The following PSG4 variants were observed in gnomAD, a reference collection of about 807,000 sequenced individuals.
The protein encoded by PSG4 is pregnancy-specific beta-1-glycoprotein 4.
In PSG4, 61 loss-of-function variants were observed where a neutral mutation model predicts 44.3. The observed-to-expected ratio is 1.38, with a 90% CI of 1.12 to 1.70. The LOEUF (loss-of-function observed/expected upper bound fraction) is 1.70, where lower values mean the gene tolerates loss of function less well. PSG4 is among the 40% of genes most tolerant of loss of function. The probability of loss-of-function intolerance (pLI) is 0.00; values close to 1 mark genes in which losing one functional copy is unlikely to be tolerated. For missense variants in PSG4, 677 were observed against 511.7 expected (o/e 1.32, Z -3.12); for synonymous variants, 248 against 191.3 (o/e 1.30, Z -2.45).
At position 43,195,067 on chromosome 19, in the gene PSG4, C is replaced by T. The variant is rs182372417; in HGVS notation, c.916G>A (p.Gly306Arg). The T allele has an allele frequency of 5.7e-4, 914 of 1,611,618 alleles. 28 individuals are homozygous for T. The highest frequency in any genetic ancestry group is 7.4e-4 in the Admixed American group (44 of 59,850). Residue 306 changes from glycine to arginine, a missense_variant, in exon 4 of 6, where the codon GGA becomes AGA. By Grantham distance (125) the Gly-to-Arg change is moderately radical (BLOSUM62 -2). Coordinates refer to ENST00000405312, the MANE Select transcript of PSG4 (RefSeq NM_002780.5). ...ILPNVTRNET[G>R]PYQCEIRDRY... is the part of the protein sequence containing the mutation. ...TCCCGTATTTCACATTGATAAGGTCCTGTTTCATTTCTCGTGACATTGGGT... is the reference window on the plus strand; with the variant it reads ...TCCCGTATTTCACATTGATAAGGTCTTGTTTCATTTCTCGTGACATTGGGT...
At position 43,195,272 on chromosome 19, in the gene PSG4, T is replaced by C. The variant is rs779386191; in HGVS notation, c.711A>G (p.Pro237=). The C allele has an allele frequency of 4.8e-5, 77 of 1,610,090 alleles. 2 individuals carry two copies. The highest frequency in any genetic ancestry group is 4.2e-4 in the Middle Eastern group (2 of 4,736). The change falls in exon 4 of 6, where the codon CCA becomes CCG. Residue 237 remains proline (P), a splice_region_variant and synonymous_variant. Transcript: ENST00000405312. ...TTGTGATGTAGGGCTTGGACAGCTT[T>C]GCTGTGTGGATAACAGAGAGAAGAT... is the stretch of plus-strand genomic sequence containing the variant. ...RSDPVTLNLL[P]KLSKPYITIN...
At chr19:43,196,409 C>G (rs1421153717) in intron 3 of PSG4, 4 of 151,526 alleles carry the variant, frequency 2.6e-5, no homozygotes, top group Admixed American at 2.0e-4. Flanking sequence ...AGCTTGATGC[C>G]TATAATTCAC....
chr19:43,204,349 C>T (rs1967662313), intron 1 of PSG4, 98 bp from the exon 2 acceptor site: 2 of 1,338,882 alleles, frequency 1.5e-6, no homozygotes, highest in Non-Finnish European at 2.0e-6. Context: ...GCCTTGAAGA[C>T]ACACAAACAC....
rs1476884677 is a variant in PSG4 at position 43,198,288 on chromosome 19, CAG to C, written c.431-15_431-14del. On this transcript the variant is annotated splice_polypyrimidine_tract_variant and intron_variant, in intron 2 of 5. Coordinates refer to ENST00000405312, the MANE Select transcript of PSG4 (RefSeq NM_002780.5). ...TTGGGAGTCTCCACTGTGCAGAAAA[CAG>C]AGAGAGGTTTGCCCTGTGTGGCATC... 3.2e-6 allele frequency: 5 copies of C among 1,579,692 alleles called. 1 individual carries two copies. The highest frequency in any genetic ancestry group is 1.7e-5 in the Admixed American group (1 of 57,160).
At chr19:43,195,621 G>A (rs1490034894) in intron 3 of PSG4, among the ~76,000 whole-genome samples, 1 of 151,330 alleles carries the variant, frequency 6.6e-6, no homozygotes, top group Non-Finnish European at 1.5e-5. Flanking sequence ...CCTGGAATGT[G>A]CAACTACTGG....
At chr19:43,205,398 C>T in intron 1 of PSG4, 75 bp downstream of exon 1, 1 of 1,433,916 alleles carries the variant, frequency 7.0e-7, no homozygotes, top group South Asian at 1.2e-5. Flanking sequence ...TTTCAGAACC[C>T]CATCCTCTCC....
chr19:43,203,977 C>G lies in PSG4; in HGVS notation c.339G>C (p.Thr113=), dbSNP rs372928608. ...AGGTGTAGGATCCTGCATCCTCCTG[C>G]GTGACATTCTGGATCAGCAGGGATG... ...SNASLLIQNV[T]QEDAGSYTLH... is the part of the protein sequence containing the mutation. The change falls in exon 2 of 6, where the codon ACG becomes ACC. Residue 113 remains threonine (T), a synonymous_variant. Coordinates refer to ENST00000405312, the MANE Select transcript of PSG4 (RefSeq NM_002780.5). The G allele has an allele frequency of 9.4e-6, 15 of 1,587,742 alleles. No individual in the cohort carries two copies. Among genetic ancestry groups the G allele is most frequent in the South Asian group, 4.4e-5 (4 of 89,972 alleles).
rs750605503 is a variant in PSG4, at chr19:43,198,244, G to A, written c.462C>T (p.Ser154=). ...LETPKPSISS[S]NLNPREAMEA... is the part of the protein sequence containing the mutation. The stretch of plus-strand genomic sequence containing the variant: ...CCATGGCCTCCCTGGGATTTAAGTT[G>A]CTGCTGGAGATGGAGGGCTTGGGAG... The change falls in exon 3 of 6, where the codon AGC becomes AGT. Residue 154 remains serine, a synonymous_variant. Coordinates refer to ENST00000405312, the MANE Select transcript of PSG4 (RefSeq NM_002780.5). 2.5e-6 allele frequency: 4 copies of A among 1,587,170 alleles called. No homozygotes were observed. The highest frequency in any genetic ancestry group is 3.4e-6 in the Non-Finnish European group (4 of 1,171,770).
intron 3 of PSG4, chr19:43,196,826 G>T (rs7247496): frequency 0.1 from 14,530 of 145,278 alleles, 1,160 homozygotes; most frequent in East Asian, 0.33. Context: ...ATTAATAAGA[G>T]CCTGTCAGGT....
chr19:43,203,111 A>C (rs11671015), intron 2 of PSG4: 36,562 of 145,144 alleles, frequency 0.25, 7,459 homozygotes, highest in Non-Finnish European at 0.29. Flanking sequence ...TGGAGGTTTC[A>C]CACAAACAGC....
Position 43,204,238 on chromosome 19 carries a change from G to A in PSG4, c.78C>T (p.Asn26=). The change falls in exon 2 of 6, where the codon AAC becomes AAT. Residue 26 remains asparagine, a synonymous_variant. Transcript: ENST00000405312. ...GGGCAGTTGTGGGCGGATTCCAGAA[G>A]TTTAAAAGTGATGCTAGGAGGTACA... is the stretch of plus-strand genomic sequence containing the variant. ...KGVLLTASLL[N]FWNPPTTAQV... 1 of 1,576,720 alleles carries A rather than the reference G, an allele frequency of 6.3e-7. No individual in the cohort carries two copies.
chr19:43,195,671 A>T (rs1967214325), intron 3 of PSG4, among the ~76,000 whole-genome samples: 1 of 151,330 alleles, frequency 6.6e-6, no homozygotes, highest in African/African-American at 2.4e-5. Flanking sequence ...CCCCTAGATG[A>T]GATTTCTCTG....
rs71350645 is a variant in PSG4 at position 43,193,898 on chromosome 19, G to A, written c.1243+442C>T. The A allele has an allele frequency of 7.2e-5, 50 of 696,104 alleles. 1 individual carries two copies. The highest frequency in any genetic ancestry group is 1.2e-4 in the Non-Finnish European group (46 of 384,194). The allele number at this position is 696,104 out of a possible 1,614,324, so 43.1% of individuals were successfully genotyped here. On this transcript the variant is annotated intron_variant, in intron 5 of 5. Transcript: ENST00000405312. Reference sequence around the variant, plus strand: ...AACATATCAATACTCATGAATAGTTGCCCAATTCTGGGGCAGTCAGGTAGA... The same window carrying A: ...AACATATCAATACTCATGAATAGTTACCCAATTCTGGGGCAGTCAGGTAGA...
intron 5 of PSG4, chr19:43,193,686 A>G (rs1355677379): frequency 5.3e-5 from 29 of 548,536 alleles, no homozygotes; most frequent in South Asian, 1.9e-4. Flanking sequence ...AAAACCCTTG[A>G]GAATAGGAAG....
chr19:43,201,188 G>C (rs1967494721), intron 2 of PSG4, among the ~76,000 whole-genome samples: 1 of 145,558 alleles, frequency 6.9e-6, no homozygotes, highest in Non-Finnish European at 1.5e-5. Context: ...CTCGTTCCTG[G>C]GCATAGGCCA....
intron 2 of PSG4, among the ~76,000 whole-genome samples, chr19:43,200,374 A>G (rs1173159556): frequency 6.2e-5 from 5 of 80,684 alleles, no homozygotes; most frequent in Non-Finnish European, 1.2e-4. Context: ...TTGTCCCACA[A>G]CTACAAAATT....
chr19:43,194,237 A>G (rs1967126935), intron 5 of PSG4, 103 bp downstream of exon 5: 5 of 1,597,828 alleles, frequency 3.1e-6, no homozygotes, highest in African/African-American at 2.7e-5. Flanking sequence ...GCTTGTGCCC[A>G]TGGGACACAG....
chr19:43,201,472 G>A (rs1967506553), intron 2 of PSG4, among the ~76,000 whole-genome samples: 1 of 145,102 alleles, frequency 6.9e-6, no homozygotes, highest in African/African-American at 2.6e-5. Flanking sequence ...TAGAACGCGA[G>A]ACTGGTCTTT....
At chr19:43,202,402 G>T (rs1331240433) in intron 2 of PSG4, among the ~76,000 whole-genome samples, 2 of 144,586 alleles carry the variant, frequency 1.4e-5, no homozygotes, top group African/African-American at 2.7e-5. Flanking sequence ...GGTAGTGGGG[G>T]GATGAAACGT....
Sources: gnomAD v4.1 joint callset for allele counts (sites outside exome capture counted in the v4.1 genomes callset) on GRCh38, gnomAD v4.1.1 for gene constraint, MANE v1.5 for transcripts, NCBI Gene and HGNC (gene_info 2026-07-23, HGNC 2026-07-21) for gene names.